PACRG: variants seen among roughly 807,000 people sequenced by gnomAD.
The protein encoded by PACRG is parkin coregulated.
Under a neutral mutation model 29.7 loss-of-function variants are expected in PACRG, and 29 were observed. That is an observed-to-expected ratio of 0.98 (90% confidence interval 0.73 to 1.33). PACRG has a LOEUF of 1.33. Among genes scored for constraint, PACRG ranks in the 40% most tolerant of loss-of-function variants. The pLI is 0.00. For missense variants in PACRG, 279 were observed against 316.2 expected (o/e 0.88, Z 0.89); for synonymous variants, 116 against 118.7 (o/e 0.98, Z 0.15).
intron 4 of PACRG, among the ~76,000 whole-genome samples, chr6:163,099,159 G>T (rs939914970): frequency 6.6e-6 from 1 of 152,084 alleles, no homozygotes; most frequent in African/African-American, 2.4e-5. Context: ...CTGATACCTT[G>T]TCACCCCTCC....
chr6:163,169,041 G>A (rs1368745642), intron 4 of PACRG, among the ~76,000 whole-genome samples: 3 of 152,174 alleles, frequency 2.0e-5, no homozygotes, highest in Non-Finnish European at 4.4e-5. Context: ...AGGAAAGTGG[G>A]GTCCACATGG....
chr6:163,280,288 C>T (rs1482648775), intron 4 of PACRG, among the ~76,000 whole-genome samples: 1 of 152,232 alleles, frequency 6.6e-6, no homozygotes, highest in Non-Finnish European at 1.5e-5. Flanking sequence ...TCTGCACCCC[C>T]ATGCTAGCAC....
At chr6:163,196,996 G>T (rs1780486083) in intron 4 of PACRG, among the ~76,000 whole-genome samples, 1 of 151,988 alleles carries the variant, frequency 6.6e-6, no homozygotes. Context: ...TTGGTAAATG[G>T]GCAAATGATA....
At chr6:163,159,042 T>C (rs1360764886) in intron 4 of PACRG, among the ~76,000 whole-genome samples, 3 of 152,168 alleles carry the variant, frequency 2.0e-5, no homozygotes, top group African/African-American at 4.8e-5. Context: ...GCACAGGTTT[T>C]GGAGTGAGAG....
At chr6:162,783,980 C>G (rs908017294) in intron 1 of PACRG, among the ~76,000 whole-genome samples, 1 of 152,042 alleles carries the variant, frequency 6.6e-6, no homozygotes, top group African/African-American at 2.4e-5. Flanking sequence ...ATACATTTTA[C>G]TCTTATGAAT....
At chr6:162,824,656 G>A (rs1788126629) in intron 2 of PACRG, among the ~76,000 whole-genome samples, 1 of 152,104 alleles carries the variant, frequency 6.6e-6, no homozygotes, top group Non-Finnish European at 1.5e-5. Context: ...CCTTTGCAGA[G>A]AAGTAATGTG....
At chr6:163,178,266 C>G (rs912291118) in intron 4 of PACRG, among the ~76,000 whole-genome samples, 2 of 152,204 alleles carry the variant, frequency 1.3e-5, no homozygotes, top group Non-Finnish European at 2.9e-5. Flanking sequence ...CTGGGCACCA[C>G]CCTCAGCAAC....
chr6:163,259,661 A>G (rs1053934466), intron 4 of PACRG, among the ~76,000 whole-genome samples: 4 of 152,142 alleles, frequency 2.6e-5, no homozygotes, highest in African/African-American at 9.7e-5. Flanking sequence ...TCACCCCAAA[A>G]TATTAAGCTC....
intron 2 of PACRG, among the ~76,000 whole-genome samples, chr6:162,832,773 C>T (rs1023440897): frequency 6.0e-5 from 9 of 149,278 alleles, no homozygotes; most frequent in Non-Finnish European, 1.0e-4. Flanking sequence ...ATATTTTTCT[C>T]TTAGGAACTG....
At chr6:162,944,345 A>G (rs886929400) in intron 2 of PACRG, among the ~76,000 whole-genome samples, 4 of 152,338 alleles carry the variant, frequency 2.6e-5, no homozygotes, top group African/African-American at 9.6e-5. Context: ...AAGAAAATTC[A>G]AACAACTGGA....
At chr6:163,172,496 G>GCATGCACGCACACA (rs1562949087) in intron 4 of PACRG, among the ~76,000 whole-genome samples, 1 of 152,020 alleles carries the variant, frequency 6.6e-6, no homozygotes, top group African/African-American at 2.4e-5. Flanking sequence ...ACACACACAC[G>GCATGCACGCACACA]CATGCATGCA....
chr6:163,005,893 G>A (rs989459591), intron 2 of PACRG, among the ~76,000 whole-genome samples: 11 of 145,850 alleles, frequency 7.5e-5, no homozygotes, highest in East Asian at 2.0e-4. Context: ...TATATACAAC[G>A]TAGTTATACG....
At chr6:162,997,407 T>G in intron 2 of PACRG, 2 of 454,896 alleles carry the variant, frequency 4.4e-6, no homozygotes, top group South Asian at 3.1e-5. Context: ...CCTTCTTAGA[T>G]TCTAGGAATG....
chr6:163,258,114 A>G (rs1156878796), intron 4 of PACRG, among the ~76,000 whole-genome samples: 1 of 152,124 alleles, frequency 6.6e-6, no homozygotes, highest in Non-Finnish European at 1.5e-5. Context: ...TCCATTTTTA[A>G]ACAGAATTTA....
intron 2 of PACRG, among the ~76,000 whole-genome samples, chr6:163,059,328 T>C (rs912985223): frequency 1.3e-5 from 2 of 152,198 alleles, no homozygotes; most frequent in Non-Finnish European, 2.9e-5. Context: ...AGGTACTCAG[T>C]ATTTATTGTT....
intron 2 of PACRG, among the ~76,000 whole-genome samples, chr6:162,892,591 C>T (rs951793704): frequency 1.2e-4 from 18 of 152,130 alleles, no homozygotes; most frequent in African/African-American, 3.6e-4. Context: ...AATTCTGATG[C>T]GACCACCTGG....
rs538965054 is a variant in PACRG at position 162,793,458 on chromosome 6, A to G, written c.157-20689A>G. Among the ~76,000 whole-genome samples the G allele has an allele frequency of 8.5e-5, 13 of 152,216 alleles. No homozygotes were observed. In the South Asian group the frequency reaches 2.7e-3, roughly 32 times the overall value. The stretch of plus-strand genomic sequence containing the variant: ...AAACAGCTCCTTGATTTCTTCAGGG[A>G]CCCATATCTTTTGCATCTTTCTGCT... On this transcript the variant is annotated intron_variant, in intron 1 of 4. Transcript: ENST00000366888.
intron 1 of PACRG, among the ~76,000 whole-genome samples, chr6:162,798,771 C>G (rs190021498): frequency 6.6e-6 from 1 of 152,002 alleles, no homozygotes; most frequent in Admixed American, 6.6e-5. Context: ...ATTTAAAAAT[C>G]AAAAATACAG....
intron 4 of PACRG, among the ~76,000 whole-genome samples, chr6:163,110,769 A>G (rs1385169574): frequency 6.6e-6 from 1 of 152,200 alleles, no homozygotes; most frequent in Non-Finnish European, 1.5e-5. Flanking sequence ...GCAGGAAACC[A>G]GCTAACTGAA....
Sources: gnomAD v4.1 joint callset for allele counts (sites outside exome capture counted in the v4.1 genomes callset) on GRCh38, gnomAD v4.1.1 for gene constraint, MANE v1.5 for transcripts, NCBI Gene and HGNC (gene_info 2026-07-23, HGNC 2026-07-21) for gene names.